The following CGNL1 variants were observed in gnomAD, a reference collection of about 807,000 sequenced individuals.
CGNL1 encodes the protein cingulin-like protein 1.
CGNL1 carries 132 observed loss-of-function variants against 141.2 expected under a neutral mutation model. That is an observed-to-expected ratio of 0.93 (90% CI 0.81 to 1.08). The LOEUF is 1.08. Among genes scored for constraint, CGNL1 ranks in the 50% least tolerant of loss-of-function variants. CGNL1 has a pLI of 0.00. For synonymous variants in CGNL1, 690 were observed against 622.1 expected (o/e 1.11, Z -1.63); for missense variants, 1,870 against 1,588.6 (o/e 1.18, Z -3.01).
intron 1 of CGNL1, among the ~76,000 whole-genome samples, chr15:57,412,399 C>A (rs560769762): frequency 6.6e-6 from 1 of 152,366 alleles, no homozygotes; most frequent in East Asian, 1.9e-4. Context: ...GTTCCTTACT[C>A]TGCTCTCCTC....
At chr15:57,541,901 C>A (rs2032584651) in intron 14 of CGNL1, among the ~76,000 whole-genome samples, 1 of 152,186 alleles carries the variant, frequency 6.6e-6, no homozygotes, top group Admixed American at 6.5e-5. Flanking sequence ...CCACCTGGTA[C>A]CCCCTCACCT....
chr15:57,540,082 A>G (rs1184004187), intron 14 of CGNL1, among the ~76,000 whole-genome samples: 2 of 152,078 alleles, frequency 1.3e-5, no homozygotes, highest in East Asian at 3.9e-4. Context: ...CGATTGCTTA[A>G]CCTGCCCCCT....
chr15:57,438,543 G>C lies in CGNL1; in HGVS notation c.544G>C (p.Gly182Arg), dbSNP rs1311324709. ...TTGGCTAAAAACGTTGACAGAAGAA[G>C]GCATCAACAATAAGAAGCCTTGGAC... ...SNWLKTLTEE[G>R]INNKKPWTCF... is the part of the protein sequence containing the mutation. Residue 182 changes from glycine (G) to arginine (R), a missense_variant, in exon 2 of 19, where the codon GGC (glycine) becomes CGC (arginine). Physicochemically the swap from Gly to Arg is moderately radical, Grantham distance 125 (BLOSUM62 -2). Coordinates refer to ENST00000281282, the MANE Select transcript of CGNL1 (RefSeq NM_032866.5). 1.2e-6 allele frequency: 2 copies of C among 1,613,796 alleles called. No homozygotes were observed. The highest frequency in any genetic ancestry group is 2.2e-5 in the East Asian group (1 of 44,900).
intron 8 of CGNL1, among the ~76,000 whole-genome samples, chr15:57,514,669 T>A (rs1449864613): frequency 2.2e-4 from 33 of 152,242 alleles, no homozygotes. Context: ...TGTAGCTAAG[T>A]AGCCTTTGCC....
intron 8 of CGNL1, among the ~76,000 whole-genome samples, chr15:57,485,139 T>C (rs2063771199): frequency 6.6e-6 from 1 of 152,086 alleles, no homozygotes; most frequent in South Asian, 2.1e-4. Flanking sequence ...CAGTGTGTGT[T>C]TAAAACAAAA....
intron 14 of CGNL1, among the ~76,000 whole-genome samples, chr15:57,540,470 T>C (rs2032505838): frequency 6.6e-6 from 1 of 152,206 alleles, no homozygotes; most frequent in East Asian, 1.9e-4. Context: ...CCCGCCCCCG[T>C]GATTCAGTTA....
At position 57,440,427 on chromosome 15, in the gene CGNL1, T is replaced by C. The variant is rs1271115587; in HGVS notation, c.1653T>C (p.Asn551=). ...KGQQELTQQT[N]EETAKQILYN... Reference sequence around the variant, plus strand: ...AGCAAGAGCTCACTCAGCAAACCAATGAGGAGACAGCTAAGCAGATTCTCT... The same window carrying C: ...AGCAAGAGCTCACTCAGCAAACCAACGAGGAGACAGCTAAGCAGATTCTCT... The change falls in exon 3 of 19, where the codon AAT becomes AAC. Residue 551 remains asparagine (N), a synonymous_variant. Coordinates refer to ENST00000281282, the MANE Select transcript of CGNL1 (RefSeq NM_032866.5). The C allele has an allele frequency of 1.9e-6, 3 of 1,602,524 alleles. No individual in the cohort carries two copies. The highest frequency in any genetic ancestry group is 1.3e-5 in the African/African-American group (1 of 74,956).
intron 1 of CGNL1, among the ~76,000 whole-genome samples, chr15:57,430,922 A>C (rs1271056807): frequency 6.6e-6 from 1 of 152,064 alleles, no homozygotes; most frequent in Non-Finnish European, 1.5e-5. Flanking sequence ...GGATTTTGCT[A>C]TGTTGGCCAG....
chr15:57,463,218 C>T (rs2063468060), intron 8 of CGNL1, among the ~76,000 whole-genome samples: 2 of 152,056 alleles, frequency 1.3e-5, no homozygotes, highest in African/African-American at 4.8e-5. Flanking sequence ...CAAACTTGTG[C>T]CTCACATGGG....
At chr15:57,401,973 C>T (rs960832152) in intron 1 of CGNL1, 24 of 152,248 alleles carry the variant, frequency 1.6e-4, no homozygotes, top group African/African-American at 5.8e-4. Context: ...TTTTCTCTGT[C>T]CTTCTACATA....
At chr15:57,419,884 A>G (rs1655146074) in intron 1 of CGNL1, among the ~76,000 whole-genome samples, 2 of 152,316 alleles carry the variant, frequency 1.3e-5, no homozygotes, top group South Asian at 4.1e-4. Context: ...CCTCTGGGGC[A>G]GGTTATCTAA....
chr15:57,545,987 C>A, intron 17 of CGNL1, 89 bp from the exon 18 acceptor site: 1 of 1,450,816 alleles, frequency 6.9e-7, no homozygotes, highest in Non-Finnish European at 9.4e-7. Context: ...TCTTGGTTGC[C>A]TGGGGAGATG....
intron 8 of CGNL1, among the ~76,000 whole-genome samples, chr15:57,509,577 T>C (rs1379261913): frequency 6.6e-6 from 1 of 152,076 alleles, no homozygotes; most frequent in African/African-American, 2.4e-5. Flanking sequence ...TATGGTGCCA[T>C]GGGGGGTTTG....
intron 12 of CGNL1, among the ~76,000 whole-genome samples, chr15:57,525,682 A>G (rs748066343): frequency 6.6e-6 from 1 of 152,150 alleles, no homozygotes; most frequent in African/African-American, 2.4e-5. Context: ...TAAAAAACAA[A>G]CTTTAATTTC....
chr15:57,404,412 C>T (rs1317661724), intron 1 of CGNL1, among the ~76,000 whole-genome samples: 1 of 152,160 alleles, frequency 6.6e-6, no homozygotes, highest in Non-Finnish European at 1.5e-5. Flanking sequence ...TCTAATAAAT[C>T]CAATGAACCT....
chr15:57,429,447 C>T (rs11633120), intron 1 of CGNL1, among the ~76,000 whole-genome samples: 78,712 of 151,998 alleles, frequency 0.52, 21,664 homozygotes, highest in Non-Finnish European at 0.62. Flanking sequence ...AGAGAGAAAA[C>T]GATAATAACC....
At chr15:57,409,825 G>GA (rs1180223464) in intron 1 of CGNL1, among the ~76,000 whole-genome samples, 1 of 152,046 alleles carries the variant, frequency 6.6e-6, no homozygotes, top group Non-Finnish European at 1.5e-5. Context: ...GTTCTTACCA[G>GA]AAAAAAATAG....
intron 14 of CGNL1, among the ~76,000 whole-genome samples, chr15:57,539,863 G>T (rs2032467986): frequency 1.3e-5 from 2 of 152,188 alleles, no homozygotes; most frequent in Admixed American, 6.5e-5. Context: ...CGCCCAGTTG[G>T]CCCCACATGC....
chr15:57,514,581 A>G (rs1197440740), intron 8 of CGNL1, among the ~76,000 whole-genome samples: 3 of 151,944 alleles, frequency 2.0e-5, no homozygotes, highest in South Asian at 2.1e-4. Context: ...TGGTGGCATC[A>G]TTTGCAGCAC....
Sources: allele counts gnomAD v4.1 joint callset (sites outside exome capture counted in the v4.1 genomes callset), GRCh38; gene constraint gnomAD v4.1.1; transcripts MANE v1.5; gene names NCBI Gene and HGNC (gene_info 2026-07-23, HGNC 2026-07-21).